The following LINGO2 variants were observed in gnomAD, a reference collection of about 807,000 sequenced individuals.
The protein encoded by LINGO2 is leucine rich repeat and Ig domain containing 2.
Under a neutral mutation model 30.6 loss-of-function variants are expected in LINGO2, and 14 were observed. That is an observed-to-expected ratio of 0.46 (90% CI 0.30 to 0.72). The LOEUF is 0.72. Ranked by LOEUF, LINGO2 falls within the 30% of genes least tolerant of loss-of-function variation. The pLI is 0.07. For missense variants in LINGO2, 729 were observed against 751.7 expected (o/e 0.97, Z 0.35); for synonymous variants, 317 against 288.5 (o/e 1.10, Z -1.00).
chr9:28,132,325 G>T (rs1443886391), intron 4 of LINGO2, among the ~76,000 whole-genome samples: 2 of 151,926 alleles, frequency 1.3e-5, no homozygotes, highest in African/African-American at 2.4e-5. Context: ...TTATACCCAT[G>T]TGTAGAGCTA....
At chr9:28,764,770 G>A in the LINGO2 span, among the ~76,000 whole-genome samples, 1 of 151,798 alleles carries the variant, frequency 6.6e-6, no homozygotes, top group Non-Finnish European at 1.5e-5. Flanking sequence ...CCTGCCAAAA[G>A]ATCATTAGAA....
intron 2 of LINGO2, among the ~76,000 whole-genome samples, chr9:28,465,408 T>G (rs1206576229): frequency 6.6e-6 from 1 of 152,138 alleles, no homozygotes; most frequent in Non-Finnish European, 1.5e-5. Flanking sequence ...AGATGCTTCT[T>G]TCTTTTGTGT....
intron 2 of LINGO2, among the ~76,000 whole-genome samples, chr9:28,471,128 A>G (rs1315831346): frequency 6.6e-6 from 1 of 152,116 alleles, no homozygotes; most frequent in Non-Finnish European, 1.5e-5. Flanking sequence ...TTGATCTGGT[A>G]TACCAATGCC....
At chr9:28,158,260 C>T (rs745998350) in intron 4 of LINGO2, among the ~76,000 whole-genome samples, 48 of 152,092 alleles carry the variant, frequency 3.2e-4, no homozygotes, top group African/African-American at 1.0e-3. Context: ...GAGACTTATT[C>T]GCTGTCACGA....
chr9:28,488,778 C>T (rs1564235531), intron 1 of LINGO2, among the ~76,000 whole-genome samples: 1 of 152,126 alleles, frequency 6.6e-6, no homozygotes, highest in Non-Finnish European at 1.5e-5. Flanking sequence ...TCAGAGCTAT[C>T]TTTCCACATG....
chr9:29,163,418 C>A, the LINGO2 span, among the ~76,000 whole-genome samples: 1 of 152,042 alleles, frequency 6.6e-6, no homozygotes, highest in Non-Finnish European at 1.5e-5. Flanking sequence ...TGTGTACATG[C>A]AGTTGTTGAT....
At chr9:29,145,114 A>G in the LINGO2 span, among the ~76,000 whole-genome samples, 2 of 152,298 alleles carry the variant, frequency 1.3e-5, no homozygotes, top group South Asian at 4.1e-4. Flanking sequence ...TAGATAATTT[A>G]CATGAAGTAG....
chr9:28,489,252 C>T, intron 1 of LINGO2, among the ~76,000 whole-genome samples: 1 of 152,128 alleles, frequency 6.6e-6, no homozygotes, highest in Admixed American at 6.6e-5. Flanking sequence ...TCACTGCAAC[C>T]TCCATCTCCG....
At chr9:28,787,051 G>T in the LINGO2 span, among the ~76,000 whole-genome samples, 16,679 of 152,100 alleles carry the variant, frequency 0.11, 1,139 homozygotes, top group East Asian at 0.35. Flanking sequence ...TGTTTGTGTG[G>T]TGTTACCAAA....
rs530658240 is a variant in LINGO2 at position 28,420,364 on chromosome 9, A to C, written c.-278-47496T>G. On this transcript the variant is annotated intron_variant, in intron 2 of 5. Transcript: ENST00000379992. Reference sequence around the variant, plus strand: ...AATGCCATTTATAGTGAATAGAGGAACATTCCTTCATGGTTATATAGTTTT... The same window carrying C: ...AATGCCATTTATAGTGAATAGAGGACCATTCCTTCATGGTTATATAGTTTT... Among the ~76,000 whole-genome samples the C allele has an allele frequency of 7.4e-4, 112 of 152,170 alleles. 1 individual carries two copies. Among genetic ancestry groups the C allele is most frequent in the African/African-American group, 2.4e-3 (101 of 41,556 alleles).
the LINGO2 span, among the ~76,000 whole-genome samples, chr9:29,125,942 T>C: frequency 9.2e-5 from 14 of 152,258 alleles, no homozygotes; most frequent in South Asian, 8.3e-4. Flanking sequence ...TCACCAGCCC[T>C]TGAACAAATA....
At chr9:28,469,181 T>C (rs1455604195) in intron 2 of LINGO2, among the ~76,000 whole-genome samples, 1 of 144,662 alleles carries the variant, frequency 6.9e-6, no homozygotes, top group South Asian at 2.2e-4. Context: ...TTCACTAGAG[T>C]TGTTCAACAG....
At chr9:28,588,022 C>A (rs750888626) in intron 1 of LINGO2, among the ~76,000 whole-genome samples, 2 of 151,998 alleles carry the variant, frequency 1.3e-5, no homozygotes, top group African/African-American at 2.4e-5. Context: ...AAAATAACTT[C>A]TCTGAGGTCA....
At chr9:28,695,437 T>C in the LINGO2 span, among the ~76,000 whole-genome samples, 1 of 152,080 alleles carries the variant, frequency 6.6e-6, no homozygotes, top group Non-Finnish European at 1.5e-5. Context: ...AATTTGTCAA[T>C]AACTATTAAC....
intron 5 of LINGO2, among the ~76,000 whole-genome samples, chr9:27,985,506 C>T (rs1177645592): frequency 1.3e-5 from 2 of 151,806 alleles, no homozygotes; most frequent in Non-Finnish European, 2.9e-5. Context: ...ATTAATAATA[C>T]CAAGTTTCTG....
At chr9:28,755,386 C>T in the LINGO2 span, among the ~76,000 whole-genome samples, 6 of 152,022 alleles carry the variant, frequency 3.9e-5, no homozygotes, top group African/African-American at 1.5e-4. Context: ...GTCTTAGTGG[C>T]TCCATCTAAA....
chr9:28,372,851 C>T (rs1820957996), exon 3 of LINGO2: 1 of 152,508 alleles, frequency 6.6e-6, no homozygotes, highest in Non-Finnish European at 1.5e-5. Context: ...AAGCTGCATT[C>T]TGTTTTTCTC....
At chr9:27,953,198 A>G (rs527993331) in intron 5 of LINGO2, among the ~76,000 whole-genome samples, 1 of 152,144 alleles carries the variant, frequency 6.6e-6, no homozygotes, top group South Asian at 2.1e-4. Flanking sequence ...CATACTGATA[A>G]GGAATAAAAA....
chr9:28,734,489 T>A, the LINGO2 span, among the ~76,000 whole-genome samples: 16 of 152,174 alleles, frequency 1.1e-4, no homozygotes, highest in African/African-American at 3.9e-4. Context: ...GGGACTACTG[T>A]ATTGTTATCT....
Sources: gnomAD v4.1 joint callset for allele counts (sites outside exome capture counted in the v4.1 genomes callset) on GRCh38, gnomAD v4.1.1 for gene constraint, MANE v1.5 for transcripts, NCBI Gene and HGNC (gene_info 2026-07-23, HGNC 2026-07-21) for gene names.